The following NFATC2 variants were observed in gnomAD, a reference collection of about 807,000 sequenced individuals.
NFATC2 encodes the protein nuclear factor of activated T cells 2.
A neutral mutation model predicts 87.3 loss-of-function variants in NFATC2; 22 were observed. That is an observed-to-expected ratio of 0.25 (90% CI 0.18 to 0.36). NFATC2 has a LOEUF of 0.36. NFATC2 is among the 10% of genes least tolerant of loss of function. The pLI is 1.00. For synonymous variants in NFATC2, 565 were observed against 542.2 expected (o/e 1.04, Z -0.58); for missense variants, 1,149 against 1,259.1 (o/e 0.91, Z 1.32).
At chr20:51,398,052 C>T (rs1422453244) in intron 10 of NFATC2, among the ~76,000 whole-genome samples, 2 of 148,288 alleles carry the variant, frequency 1.3e-5, no homozygotes, top group African/African-American at 5.0e-5. Context: ...CTCAGCCGAG[C>T]ACCCTGGGAA....
chr20:51,548,270 T>C (rs1256207650), intron 1 of NFATC2, among the ~76,000 whole-genome samples: 8 of 152,186 alleles, frequency 5.3e-5, no homozygotes, highest in Non-Finnish European at 1.2e-4. Context: ...AGCTCAAAAG[T>C]CACCTGTTAG....
At chr20:51,559,771 G>A (rs576150676) in intron 1 of NFATC2, among the ~76,000 whole-genome samples, 21 of 152,318 alleles carry the variant, frequency 1.4e-4, no homozygotes, top group African/African-American at 5.1e-4. Context: ...TCTGCTATGT[G>A]ACCTTGGGCA....
chr20:51,509,617 C>A (rs2076240704), intron 3 of NFATC2, among the ~76,000 whole-genome samples: 1 of 152,204 alleles, frequency 6.6e-6, no homozygotes, highest in African/African-American at 2.4e-5. Context: ...CTCACGTCCC[C>A]AAACACAAAA....
chr20:51,529,577 C>T (rs976877911), intron 1 of NFATC2, among the ~76,000 whole-genome samples: 19 of 152,204 alleles, frequency 1.2e-4, no homozygotes, highest in Non-Finnish European at 1.8e-4. Flanking sequence ...TTACAGTCAT[C>T]ACGATGCCCG....
chr20:51,516,689 AC>A (rs2076356074), intron 3 of NFATC2, 94 bp downstream of exon 3: 1 of 1,334,994 alleles, frequency 7.5e-7, no homozygotes, highest in Admixed American at 2.3e-5. Context: ...TGAGACACAT[AC>A]CTCACCTTAA....
intron 3 of NFATC2, among the ~76,000 whole-genome samples, chr20:51,512,814 T>C (rs941183634): frequency 2.0e-5 from 3 of 151,954 alleles, no homozygotes; most frequent in Non-Finnish European, 4.4e-5. Flanking sequence ...GGTTCAGAAA[T>C]AGAAACAGAT....
intron 1 of NFATC2, among the ~76,000 whole-genome samples, chr20:51,537,753 G>A (rs1185072769): frequency 1.3e-5 from 2 of 152,330 alleles, no homozygotes; most frequent in East Asian, 3.9e-4. Context: ...CTTCCAGGGT[G>A]GGATCAGTGG....
At chr20:51,538,608 G>A (rs867131904) in intron 1 of NFATC2, among the ~76,000 whole-genome samples, 11 of 152,148 alleles carry the variant, frequency 7.2e-5, no homozygotes, top group Non-Finnish European at 1.2e-4. Context: ...CTCATTCCCC[G>A]TTGTGACCCT....
At chr20:51,521,611 G>A (rs1010898459) in intron 2 of NFATC2, among the ~76,000 whole-genome samples, 7 of 152,298 alleles carry the variant, frequency 4.6e-5, no homozygotes, top group Non-Finnish European at 7.3e-5. Flanking sequence ...GTGAGCCACC[G>A]CACCCGGCCT....
At chr20:51,553,492 G>A (rs929005839) in intron 1 of NFATC2, among the ~76,000 whole-genome samples, 29 of 152,066 alleles carry the variant, frequency 1.9e-4, no homozygotes, top group Non-Finnish European at 2.5e-4. Flanking sequence ...TGGCTAACAC[G>A]GTGAAACCCC....
chr20:51,440,236 C>CAAAAAAAAAAAAAA (rs34071345), intron 6 of NFATC2, among the ~76,000 whole-genome samples: 45 of 97,178 alleles, frequency 4.6e-4, no homozygotes, highest in African/African-American at 1.2e-3. Context: ...AACTCCATCT[C>CAAAAAAAAAAAAAA]AAAAAAAAAA....
intron 5 of NFATC2, among the ~76,000 whole-genome samples, chr20:51,472,105 A>G (rs1250437604): frequency 6.6e-6 from 1 of 152,112 alleles, no homozygotes; most frequent in Non-Finnish European, 1.5e-5. Context: ...AATACAAACA[A>G]TTAGCCAGGC....
intron 3 of NFATC2, among the ~76,000 whole-genome samples, chr20:51,487,070 G>T (rs1989771937): frequency 6.6e-6 from 1 of 152,140 alleles, no homozygotes; most frequent in South Asian, 2.1e-4. Flanking sequence ...GAACACAAGG[G>T]GAAAGCATCC....
chr20:51,400,194 T>C (rs1462711638), intron 9 of NFATC2, among the ~76,000 whole-genome samples: 2 of 152,100 alleles, frequency 1.3e-5, no homozygotes, highest in Non-Finnish European at 2.9e-5. Flanking sequence ...TTGGAACTGA[T>C]GTTAGAGCAC....
At chr20:51,507,315 T>C (rs561729750) in intron 3 of NFATC2, among the ~76,000 whole-genome samples, 1 of 152,104 alleles carries the variant, frequency 6.6e-6, no homozygotes, top group East Asian at 1.9e-4. Flanking sequence ...TAAGATCATG[T>C]CTGTAACAAA....
intron 3 of NFATC2, among the ~76,000 whole-genome samples, chr20:51,493,019 C>A (rs1004855691): frequency 1.8e-4 from 28 of 152,304 alleles, no homozygotes; most frequent in African/African-American, 6.7e-4. Flanking sequence ...CTCTGGTGAA[C>A]CATGTGGCAT....
At chr20:51,522,840 T>C (rs1011237185) in intron 2 of NFATC2, among the ~76,000 whole-genome samples, 6 of 152,216 alleles carry the variant, frequency 3.9e-5, no homozygotes, top group African/African-American at 1.4e-4. Context: ...TTATCATGAC[T>C]GCATCCTCAT....
chr20:51,438,084 G>A (rs1012732477), intron 6 of NFATC2, among the ~76,000 whole-genome samples: 2 of 152,194 alleles, frequency 1.3e-5, no homozygotes, highest in African/African-American at 2.4e-5. Flanking sequence ...ATCAAGACCT[G>A]AGTCCTTTCA....
At chr20:51,396,069 TATATATATATATATATATATATATAA>T (rs1987072333) in intron 10 of NFATC2, among the ~76,000 whole-genome samples, 19 of 28,528 alleles carry the variant, frequency 6.7e-4, no homozygotes, top group African/African-American at 4.5e-3. Flanking sequence ...TATATATATA[TATATATATATATATATATATATATAA>T]GCTAATGGCA....
Sources: gnomAD v4.1 joint callset for allele counts (sites outside exome capture counted in the v4.1 genomes callset) on GRCh38, gnomAD v4.1.1 for gene constraint, MANE v1.5 for transcripts, NCBI Gene and HGNC (gene_info 2026-07-23, HGNC 2026-07-21) for gene names.